UBE2O: variants seen among roughly 807,000 people sequenced by gnomAD.
The protein encoded by UBE2O is ubiquitin conjugating enzyme E2 O.
Under a neutral mutation model 125.8 loss-of-function variants are expected in UBE2O, and 15 were observed. The observed-to-expected ratio is 0.12, with a 90% CI of 0.08 to 0.18. UBE2O has a LOEUF of 0.18. Ranked by LOEUF, UBE2O falls within the 10% of genes least tolerant of loss-of-function variation. The probability of loss-of-function intolerance (pLI) is 1.00; values close to 1 mark genes in which losing one functional copy is unlikely to be tolerated. For missense variants in UBE2O, 1,280 were observed against 1,723.6 expected (o/e 0.74, Z 4.56); for synonymous variants, 708 against 703.2 (o/e 1.01, Z -0.11).
chr17:76,452,232 C>G lies in UBE2O; in HGVS notation c.417+493G>C, dbSNP rs2073260204. ...GCTTCACCATAATGCAGCCTGTAAG[C>G]TAGTGAACTTCTTGGGTTCGGCTGG... On this transcript the variant is annotated intron_variant, in intron 1 of 17. Coordinates refer to ENST00000319380, the MANE Select transcript of UBE2O (RefSeq NM_022066.4). The surrounding 1 kb of genome is among the most constrained non-coding windows in gnomAD (Gnocchi z 4.4). Among the ~76,000 whole-genome samples, 1 of 152,184 alleles carries G rather than the reference C, an allele frequency of 6.6e-6. No homozygotes were observed. Among genetic ancestry groups the G allele is most frequent in the South Asian group, 2.1e-4 (1 of 4,828 alleles).
In UBE2O at chr17:76,398,438, C is replaced by A. The variant is rs1208967083; in HGVS notation, c.1896+34G>T. ...AGGGGTCCTACACCCAACCCCAGAG[C>A]CCACCTGAAGCAAGCAGTAGGGGCT... On this transcript the variant is annotated intron_variant, in intron 11 of 17. Transcript: ENST00000319380. This position sits in a 1 kb window ranked among gnomAD's most constrained non-coding sequence, Gnocchi z 5.4. 1.2e-6 allele frequency: 2 copies of A among 1,613,962 alleles called. No homozygotes were observed. Among genetic ancestry groups the A allele is most frequent in the African/African-American group, 2.7e-5 (2 of 74,910 alleles).
intron 1 of UBE2O, among the ~76,000 whole-genome samples, chr17:76,442,396 A>G (rs1393120519): frequency 6.6e-6 from 1 of 152,222 alleles, no homozygotes; most frequent in East Asian, 1.9e-4. Context: ...GTGGTCTAGT[A>G]AGGGGCCCAT....
intron 1 of UBE2O, among the ~76,000 whole-genome samples, chr17:76,446,157 T>C (rs2073146715): frequency 6.6e-6 from 1 of 152,132 alleles, no homozygotes; most frequent in South Asian, 2.1e-4. Flanking sequence ...GGCAAGGAAA[T>C]TCCAAAAGCT....
Position 76,400,043 on chromosome 17 carries a change from G to T in UBE2O, c.1155+104C>A. On this transcript the variant is annotated intron_variant, in intron 8 of 17. Coordinates refer to ENST00000319380, the MANE Select transcript of UBE2O (RefSeq NM_022066.4). The surrounding 1 kb of genome is among the most constrained non-coding windows in gnomAD (Gnocchi z 4.3). Reference sequence around the variant, plus strand: ...CTGAGTAGCCGGCAAGGGTCATCAGGGCTGCCCCCCAAGGCCTAAAGCACA... The same window carrying T: ...CTGAGTAGCCGGCAAGGGTCATCAGTGCTGCCCCCCAAGGCCTAAAGCACA... 1 of 1,531,554 alleles carries T rather than the reference G, an allele frequency of 6.5e-7. No individual in the cohort carries two copies. The highest frequency in any genetic ancestry group is 8.8e-7 in the Non-Finnish European group (1 of 1,132,718). 94.9% of individuals were successfully genotyped at this position (1,531,554 alleles called of 1,614,324 possible). A position where few individuals can be genotyped will look rare whatever the true frequency, so the allele number is the denominator to read the frequency against.
At chr17:76,413,875 A>G (rs1411883761) in intron 1 of UBE2O, among the ~76,000 whole-genome samples, 2 of 152,238 alleles carry the variant, frequency 1.3e-5, no homozygotes, top group Admixed American at 1.3e-4. Flanking sequence ...CTCAAACAGT[A>G]AAACCAGGAG....
intron 1 of UBE2O, among the ~76,000 whole-genome samples, chr17:76,413,069 G>A (rs553912095): frequency 6.6e-6 from 1 of 152,314 alleles, no homozygotes; most frequent in East Asian, 1.9e-4. Flanking sequence ...TTTTGCGGGG[G>A]TGGAAGCAGG....
chr17:76,415,929 ATATACGTATGCG>A (rs1458594721), intron 1 of UBE2O, among the ~76,000 whole-genome samples: 1 of 132,492 alleles, frequency 7.5e-6, no homozygotes, highest in Non-Finnish European at 1.8e-5. Flanking sequence ...ACATACACGT[ATATACGTATGCG>A]TATACATATG....
chr17:76,413,742 T>G (rs1168046071), intron 1 of UBE2O, among the ~76,000 whole-genome samples: 1 of 152,164 alleles, frequency 6.6e-6, no homozygotes, highest in African/African-American at 2.4e-5. Flanking sequence ...CATGAGAAGC[T>G]GGTCTTGGAA....
In UBE2O at chr17:76,402,733, A is replaced by G. The variant is rs1199936957; in HGVS notation, c.589-34T>C. 2.6e-6 allele frequency: 4 copies of G among 1,554,244 alleles called. No homozygotes were observed. The Admixed American group carries it at 5.0e-5, about 19-fold the overall frequency. ...CAAGGAGGCAGGGGCAGTGAGACAC[A>G]GCAGACAACGTTCATGTCCAGGGCA... On this transcript the variant is annotated intron_variant, in intron 3 of 17. Transcript: ENST00000319380. This position sits in a 1 kb window ranked among gnomAD's most constrained non-coding sequence, Gnocchi z 5.4.
chr17:76,420,836 G>A (rs1029140174), intron 1 of UBE2O, among the ~76,000 whole-genome samples: 37 of 152,090 alleles, frequency 2.4e-4, no homozygotes, highest in Admixed American at 8.5e-4. Flanking sequence ...CAGAAAGCCC[G>A]AGACAGGCTG....
At chr17:76,421,138 C>T (rs946082405) in intron 1 of UBE2O, among the ~76,000 whole-genome samples, 5 of 152,190 alleles carry the variant, frequency 3.3e-5, no homozygotes, top group Non-Finnish European at 7.3e-5. Flanking sequence ...CTGCAGACTT[C>T]GCTCCAAAAG....
rs1298856216 is a variant in UBE2O, at chr17:76,391,677, A to G, written c.3209-64T>C. ...GGCCCACAATGCAGGCCTACCCTCC[A>G]CCTGCCAGGGGGACTATCAGAGTCA... On this transcript the variant is annotated intron_variant, in intron 17 of 17. Transcript: ENST00000319380. The surrounding 1 kb of genome is among the most constrained non-coding windows in gnomAD (Gnocchi z 8.4). 6.2e-7 allele frequency: 1 copy of G among 1,601,390 alleles called. No individual in the cohort carries two copies. Among genetic ancestry groups the G allele is most frequent in the Non-Finnish European group, 8.5e-7 (1 of 1,171,838 alleles).
chr17:76,443,333 G>C (rs2073104225), intron 1 of UBE2O, among the ~76,000 whole-genome samples: 1 of 152,174 alleles, frequency 6.6e-6, no homozygotes, highest in Non-Finnish European at 1.5e-5. Context: ...CTGTCGCCCA[G>C]GCTGGAGTGC....
chr17:76,442,615 G>A (rs1016423102), intron 1 of UBE2O, among the ~76,000 whole-genome samples: 12 of 152,246 alleles, frequency 7.9e-5, no homozygotes, highest in African/African-American at 1.9e-4. Context: ...GGGCATGAGA[G>A]GAAGGGAACG....
intron 1 of UBE2O, among the ~76,000 whole-genome samples, chr17:76,415,215 G>A (rs1487198906): frequency 6.6e-6 from 1 of 152,142 alleles, no homozygotes; most frequent in East Asian, 1.9e-4. Flanking sequence ...TTAGTTCACG[G>A]AATGAGGACC....
At chr17:76,443,306 C>T (rs2073103641) in intron 1 of UBE2O, among the ~76,000 whole-genome samples, 1 of 151,846 alleles carries the variant, frequency 6.6e-6, no homozygotes, top group South Asian at 2.1e-4. Flanking sequence ...TTTTTTTCCT[C>T]GAGAAAGAGT....
At chr17:76,415,125 A>C (rs1454599125) in intron 1 of UBE2O, among the ~76,000 whole-genome samples, 1 of 152,170 alleles carries the variant, frequency 6.6e-6, no homozygotes, top group Non-Finnish European at 1.5e-5. Context: ...GGCATCCCTG[A>C]GAACAAGAAG....
rs987949045 is a variant in UBE2O, at chr17:76,395,657, T to A, written c.2946+68A>T. ...GCCCCGGAGGTTTGGGGACCCAAGG[T>A]TGGTGGCCTCTTGGGCACTGGGTGC... On this transcript the variant is annotated intron_variant, in intron 15 of 17. Coordinates refer to ENST00000319380, the MANE Select transcript of UBE2O (RefSeq NM_022066.4). The surrounding 1 kb of genome is among the most constrained non-coding windows in gnomAD (Gnocchi z 5.0). The A allele has an allele frequency of 8.4e-6, 13 of 1,544,320 alleles. No homozygotes were observed. Among genetic ancestry groups the A allele is most frequent in the Non-Finnish European group, 1.0e-5 (12 of 1,148,086 alleles).
chr17:76,434,187 G>A (rs777760884), intron 1 of UBE2O, among the ~76,000 whole-genome samples: 1 of 152,082 alleles, frequency 6.6e-6, no homozygotes, highest in Non-Finnish European at 1.5e-5. Context: ...AAATGACCCC[G>A]AGGATCCCTT....
Sources: allele counts gnomAD v4.1 joint callset (sites outside exome capture counted in the v4.1 genomes callset), GRCh38; gene constraint gnomAD v4.1.1; non-coding constraint Gnocchi (gnomAD v3.1); transcripts MANE v1.5; gene names NCBI Gene and HGNC (gene_info 2026-07-23, HGNC 2026-07-21).